Variants in JAK1 observed in about 807,000 individuals in gnomAD.
The protein encoded by JAK1 is Janus kinase 1, also known as tyrosine-protein kinase JAK1.
JAK1 carries 16 observed loss-of-function variants against 136.6 expected under a neutral mutation model. That is an observed-to-expected ratio of 0.12 (90% CI 0.08 to 0.18). JAK1 has a LOEUF of 0.18. Among genes scored for constraint, JAK1 ranks in the 10% least tolerant of loss-of-function variants. The probability of loss-of-function intolerance (pLI) is 1.00; values close to 1 mark genes in which losing one functional copy is unlikely to be tolerated. For missense variants in JAK1, 859 were observed against 1,450.1 expected, an observed-to-expected ratio of 0.59 and a Z score of 6.62; for synonymous variants, 492 against 519.5, an observed-to-expected ratio of 0.95 and a Z score of 0.72.
At chr1:64,891,713 A>C (rs1160150193) in intron 1 of JAK1, among the ~76,000 whole-genome samples, 1 of 152,250 alleles carries the variant, frequency 6.6e-6, no homozygotes, top group East Asian at 1.9e-4. Context: ...TGAAAGCATC[A>C]CAAGATACTG....
At chr1:64,985,270 GC>G in intron 2 of JAK1, 1 of 1,608,530 alleles carries the variant, frequency 6.2e-7, no homozygotes, top group Non-Finnish European at 8.5e-7. Context: ...GAGAGCTGGA[GC>G]ATGATGGAAA....
intron 1 of JAK1, among the ~76,000 whole-genome samples, chr1:64,945,878 C>T (rs1209187540): frequency 6.6e-6 from 1 of 152,104 alleles, no homozygotes; most frequent in Non-Finnish European, 1.5e-5. Flanking sequence ...CTCCTGAGTA[C>T]AGGCGCCTGC....
rs553623558 is a variant in JAK1, at chr1:64,959,983, T to C, written c.-78+6350A>G. 1.8e-4 allele frequency among the ~76,000 whole-genome samples: 28 copies of C among 152,268 alleles called. 1 individual carries two copies. In the South Asian group the frequency reaches 5.2e-3, roughly 28 times the overall value. The stretch of plus-strand genomic sequence containing the variant: ...GGTTCATGCCTATTATCCCAAAACT[T>C]TGGGAGGCCAAGGCAGGAGGATTGC... On this transcript the variant is annotated intron_variant, in intron 1 of 24. Coordinates refer to ENST00000342505, the MANE Select transcript of JAK1 (RefSeq NM_002227.4).
At chr1:65,056,920 CT>C (rs1310910233) in intron 1 of JAK1, among the ~76,000 whole-genome samples, 3 of 68,384 alleles carry the variant, frequency 4.4e-5, no homozygotes, top group Non-Finnish European at 9.7e-5. Flanking sequence ...GAGACTCTTT[CT>C]TTAAAAAAAA....
intron 2 of JAK1, among the ~76,000 whole-genome samples, chr1:65,026,429 C>G (rs982952570): frequency 6.6e-6 from 1 of 152,134 alleles, no homozygotes; most frequent in African/African-American, 2.4e-5. Context: ...ACCTCAGAAT[C>G]CCACGGTTTG....
At chr1:64,914,895 T>C (rs1019778817) in intron 1 of JAK1, among the ~76,000 whole-genome samples, 1 of 152,142 alleles carries the variant, frequency 6.6e-6, no homozygotes, top group African/African-American at 2.4e-5. Flanking sequence ...CAACTATAAC[T>C]ATAGTATTGC....
At chr1:64,900,411 C>T (rs527920465) in intron 1 of JAK1, among the ~76,000 whole-genome samples, 3 of 151,826 alleles carry the variant, frequency 2.0e-5, no homozygotes, top group South Asian at 2.1e-4. Flanking sequence ...AATCACCAAG[C>T]GAGTTCTGGG....
At chr1:64,878,156 G>A (rs1570690544) in intron 4 of JAK1, among the ~76,000 whole-genome samples, 1 of 152,150 alleles carries the variant, frequency 6.6e-6, no homozygotes, top group South Asian at 2.1e-4. Flanking sequence ...ACCTCTGTAA[G>A]TTAACCTGCT....
intron 2 of JAK1, chr1:64,990,503 A>G (rs1323471405): frequency 6.6e-6 from 1 of 152,166 alleles, no homozygotes; most frequent in African/African-American, 2.4e-5. Context: ...GTAAACCCCA[A>G]AGAAGGAGAA....
intron 1 of JAK1, among the ~76,000 whole-genome samples, chr1:64,922,021 G>C (rs533717202): frequency 6.6e-6 from 1 of 151,720 alleles, no homozygotes; most frequent in Non-Finnish European, 1.5e-5. Context: ...ATCTTCTCCC[G>C]ACAGATGGAC....
At chr1:64,904,171 G>T (rs369858064) in intron 1 of JAK1, among the ~76,000 whole-genome samples, 38 of 152,262 alleles carry the variant, frequency 2.5e-4, no homozygotes, top group Admixed American at 1.8e-3. Context: ...TTGATTTAAC[G>T]AATCAGAACC....
chr1:64,927,785 G>T (rs926428203), intron 1 of JAK1, among the ~76,000 whole-genome samples: 1 of 152,148 alleles, frequency 6.6e-6, no homozygotes, highest in East Asian at 1.9e-4. Context: ...TCTGTATAAT[G>T]CAAAAGAATA....
intron 2 of JAK1, among the ~76,000 whole-genome samples, chr1:64,980,765 T>C (rs1407552961): frequency 2.0e-5 from 3 of 149,872 alleles, no homozygotes; most frequent in Non-Finnish European, 4.4e-5. Context: ...GATGTTCCCC[T>C]TCCTGTGTCC....
chr1:64,894,245 A>T (rs1025235443), intron 1 of JAK1, among the ~76,000 whole-genome samples: 4 of 152,258 alleles, frequency 2.6e-5, no homozygotes, highest in African/African-American at 9.6e-5. Flanking sequence ...CTCCCTCCAG[A>T]TTCAAAGTCC....
At chr1:64,931,559 T>C (rs1645693132) in intron 1 of JAK1, among the ~76,000 whole-genome samples, 1 of 151,890 alleles carries the variant, frequency 6.6e-6, no homozygotes, top group African/African-American at 2.4e-5. Context: ...AGTGGTTGTA[T>C]CCTAGGCAAT....
chr1:65,002,898 T>G (rs1317223996), intron 2 of JAK1, among the ~76,000 whole-genome samples: 1 of 152,114 alleles, frequency 6.6e-6, no homozygotes, highest in African/African-American at 2.4e-5. Flanking sequence ...ACGCACGCGC[T>G]GCTCCTTCCA....
chr1:65,062,593 G>C (rs900171354), intron 1 of JAK1, among the ~76,000 whole-genome samples: 2 of 152,140 alleles, frequency 1.3e-5, no homozygotes, highest in African/African-American at 4.8e-5. Flanking sequence ...CACCCTTCTC[G>C]AAGCTTCTAT....
At chr1:64,912,686 G>A (rs959341406) in intron 1 of JAK1, among the ~76,000 whole-genome samples, 2 of 152,128 alleles carry the variant, frequency 1.3e-5, no homozygotes, top group Non-Finnish European at 2.9e-5. Context: ...GGAGAACTTT[G>A]CCAAGGTCAT....
chr1:64,955,736 C>A (rs1247782169), intron 1 of JAK1, among the ~76,000 whole-genome samples: 4 of 152,160 alleles, frequency 2.6e-5, no homozygotes, highest in Non-Finnish European at 2.9e-5. Context: ...ACATAGAGTG[C>A]GCAATGATAG....
Sources: gnomAD v4.1 joint callset for allele counts (sites outside exome capture counted in the v4.1 genomes callset) on GRCh38, gnomAD v4.1.1 for gene constraint, MANE v1.5 for transcripts, NCBI Gene and HGNC (gene_info 2026-07-23, HGNC 2026-07-21) for gene names.